PRKRA: variants seen among roughly 807,000 people sequenced by gnomAD.
PRKRA encodes interferon-inducible double-stranded RNA-dependent protein kinase activator A.
Under a neutral mutation model 32.4 loss-of-function variants are expected in PRKRA, and 22 were observed. That is an observed-to-expected ratio of 0.68 (90% CI 0.49 to 0.97). The LOEUF (loss-of-function observed/expected upper bound fraction) is 0.97. Ranked by LOEUF, PRKRA falls within the 50% of genes least tolerant of loss-of-function variation. The probability of loss-of-function intolerance (pLI) is 0.00; values close to 1 mark genes in which losing one functional copy is unlikely to be tolerated. For synonymous variants in PRKRA, 139 were observed against 129.8 expected (o/e 1.07, Z -0.48); for missense variants, 319 against 375.6 (o/e 0.85, Z 1.25).
intron 5 of PRKRA, among the ~76,000 whole-genome samples, chr2:178,442,790 T>C (rs1014279964): frequency 6.6e-6 from 1 of 152,274 alleles, no homozygotes; most frequent in African/African-American, 2.4e-5. Context: ...TTATAGTTTA[T>C]ATCCTTTATA....
Position 178,451,083 on chromosome 2 carries a change from C to T in PRKRA, c.-53G>A, listed in dbSNP as rs1559362641. The T allele has an allele frequency of 6.6e-7, 1 of 1,526,418 alleles. No individual in the cohort carries two copies. Among genetic ancestry groups the T allele is most frequent in the Non-Finnish European group, 8.8e-7 (1 of 1,139,068 alleles). 94.6% of individuals were successfully genotyped at this position (1,526,418 alleles called of 1,614,324 possible). On this transcript the variant is annotated 5_prime_UTR_variant, in exon 1 of 8. Transcript: ENST00000325748. The stretch of plus-strand genomic sequence containing the variant: ...AGGAAGAGCGGTGCGGAGCGACGTG[C>T]TCGCTCCCCGGGTCGCTGGTCCCCG...
chr2:178,432,884 T>C (rs781263648), intron 7 of PRKRA, among the ~76,000 whole-genome samples: 4 of 152,236 alleles, frequency 2.6e-5, no homozygotes, highest in Non-Finnish European at 5.9e-5. Context: ...AAATGGGTCA[T>C]GGTATTTTAA....
At chr2:178,448,662 G>A (rs954469048) in intron 2 of PRKRA, among the ~76,000 whole-genome samples, 2 of 152,198 alleles carry the variant, frequency 1.3e-5, no homozygotes, top group Admixed American at 1.3e-4. Context: ...TAAACGTGTA[G>A]CTACAAGACT....
chr2:178,434,733 C>T (rs768998143), intron 7 of PRKRA, among the ~76,000 whole-genome samples: 4 of 152,178 alleles, frequency 2.6e-5, no homozygotes, highest in Non-Finnish European at 5.9e-5. Flanking sequence ...CCCCTAAGTG[C>T]CCTACTTTCC....
intron 7 of PRKRA, 55 bp from the exon 8 acceptor site, chr2:178,432,309 C>G (rs1474779640): frequency 7.7e-7 from 1 of 1,301,588 alleles, no homozygotes; most frequent in Non-Finnish European, 1.0e-6. Context: ...TAAAGTGGAT[C>G]CCTTTGTAAA....
At chr2:178,441,470 G>C (rs1697110732) in intron 6 of PRKRA, 140 bp downstream of exon 6, 1 of 706,206 alleles carries the variant, frequency 1.4e-6, no homozygotes, top group Admixed American at 2.6e-5. Context: ...AGCTAAAAAT[G>C]GGGTAGGGTA....
At chr2:178,435,219 G>GA (rs1696836994) in intron 7 of PRKRA, among the ~76,000 whole-genome samples, 2 of 149,904 alleles carry the variant, frequency 1.3e-5, no homozygotes, top group African/African-American at 2.4e-5. Flanking sequence ...TCCATCTTGG[G>GA]GAAAAAAAAA....
At chr2:178,449,098 G>A (rs555976981) in intron 2 of PRKRA, among the ~76,000 whole-genome samples, 1 of 152,330 alleles carries the variant, frequency 6.6e-6, no homozygotes, top group East Asian at 1.9e-4. Context: ...AGATAAGCTT[G>A]CACAGGAAGC....
chr2:178,432,460 T>G (rs1696702880), intron 7 of PRKRA, among the ~76,000 whole-genome samples: 1 of 152,224 alleles, frequency 6.6e-6, no homozygotes, highest in Non-Finnish European at 1.5e-5. Flanking sequence ...CACTTCATAA[T>G]GATCTGACAG....
chr2:178,438,464 G>A (rs1321290097), intron 6 of PRKRA, among the ~76,000 whole-genome samples: 1 of 152,144 alleles, frequency 6.6e-6, no homozygotes, highest in African/African-American at 2.4e-5. Context: ...ATGTGGATTA[G>A]CATCTACGCC....
chr2:178,443,478 G>A, intron 4 of PRKRA, 94 bp from the exon 5 acceptor site: 1 of 876,468 alleles, frequency 1.1e-6, no homozygotes, highest in Non-Finnish European at 1.9e-6. Context: ...CTATGTATAT[G>A]TTTGAAAAGA....
intron 2 of PRKRA, among the ~76,000 whole-genome samples, chr2:178,448,207 T>A (rs1368691851): frequency 6.6e-6 from 1 of 152,204 alleles, no homozygotes; most frequent in East Asian, 1.9e-4. Flanking sequence ...GTAGCTAAGT[T>A]GGGACTGGGG....
intron 3 of PRKRA, among the ~76,000 whole-genome samples, chr2:178,444,813 C>T (rs765146068): frequency 6.6e-5 from 10 of 152,142 alleles, no homozygotes; most frequent in Admixed American, 6.5e-4. Flanking sequence ...CTTACAAATA[C>T]ATATAATTTG....
In PRKRA at chr2:178,443,787, G is replaced by A. The variant is rs569357925; in HGVS notation, c.397-403C>T. 40 of 201,266 alleles carry A rather than the reference G, an allele frequency of 2.0e-4. 1 individual carries two copies. In the East Asian group the frequency reaches 4.4e-3, roughly 22 times the overall value. The allele number at this position is 201,266 out of a possible 1,614,324, so 12.5% of individuals were successfully genotyped here. ...CCACAGCTGGCCAAGAACACATGAG[G>A]AGTAGGGACAGCAAACAACAGACTT... On this transcript the variant is annotated intron_variant, in intron 4 of 7. Transcript: ENST00000325748.
At position 178,431,663 on chromosome 2, in the gene PRKRA, CAT is replaced by C. The variant is rs2154124391; in HGVS notation, c.*432_*433del. On this transcript the variant is annotated 3_prime_UTR_variant, in exon 8 of 8. Coordinates refer to ENST00000325748, the MANE Select transcript of PRKRA (RefSeq NM_003690.5). ...TGTTCCCTGAAATTTAACAATCAAT[CAT>C]ACTTAATAAAGGCCTGTTAGTGCTG... is the stretch of plus-strand genomic sequence containing the variant. 1 of 208,902 alleles carries C rather than the reference CAT, an allele frequency of 4.8e-6. No homozygotes were observed. Among genetic ancestry groups the C allele is most frequent in the African/African-American group, 2.3e-5 (1 of 43,120 alleles). 12.9% of individuals were successfully genotyped at this position (208,902 alleles called of 1,614,324 possible).
Position 178,443,381 on chromosome 2 carries a change from A to T in PRKRA, c.400T>A (p.Leu134Met). 2 of 1,585,696 alleles carry T rather than the reference A, an allele frequency of 1.3e-6. No homozygotes were observed. The highest frequency in any genetic ancestry group is 1.7e-6 in the Non-Finnish European group (2 of 1,154,288). ...AGTCTCCAGCCATGATGAATAGCCA[A>T]TTCCTATAAAATCAAGATGAGGCTT... ...QLNPIGSLQELAIHHGWRLPE... is the reference protein window; with the variant it reads ...QLNPIGSLQEMAIHHGWRLPE... The change falls in exon 5 of 8, where the codon TTG (leucine) becomes ATG (methionine). Residue 134 changes from leucine (L) to methionine (M), a missense_variant. By Grantham distance (15) the Leu-to-Met change is conservative. Transcript: ENST00000325748.
chr2:178,433,424 G>A (rs1696751553), intron 7 of PRKRA: 1 of 152,134 alleles, frequency 6.6e-6, no homozygotes, highest in African/African-American at 2.4e-5. Flanking sequence ...TTGAGGAACT[G>A]AGAAGCTTAT....
intron 7 of PRKRA, 48 bp downstream of exon 7, chr2:178,436,096 AT>A (rs774851356): frequency 2.8e-5 from 34 of 1,203,400 alleles, no homozygotes; most frequent in Non-Finnish European, 3.7e-5. Flanking sequence ...CCTCAAACAC[AT>A]TTTTAAATAA....
chr2:178,441,301 GAACA>G (rs78227433), intron 6 of PRKRA, among the ~76,000 whole-genome samples: 27,400 of 151,992 alleles, frequency 0.18, 2,874 homozygotes, highest in East Asian at 0.51. Flanking sequence ...GTGAATGAAT[GAACA>G]AACAAAGGGA....
Sources: gnomAD v4.1 joint callset for allele counts (sites outside exome capture counted in the v4.1 genomes callset) on GRCh38, gnomAD v4.1.1 for gene constraint, MANE v1.5 for transcripts, NCBI Gene and HGNC (gene_info 2026-07-23, HGNC 2026-07-21) for gene names.